The following SLC43A2 variants were observed in gnomAD, a reference collection of about 807,000 sequenced individuals.
SLC43A2 encodes the protein solute carrier family 43 member 2.
In SLC43A2, 38 loss-of-function variants were observed where a neutral mutation model predicts 63.2. The ratio of observed to expected loss-of-function variants is 0.60; its 90% CI spans 0.46 to 0.79. The LOEUF is 0.79. SLC43A2 is among the 30% of genes least tolerant of loss of function. SLC43A2 has a pLI of 0.00. For missense variants in SLC43A2, 644 were observed against 756.2 expected (o/e 0.85, Z 1.74); for synonymous variants, 322 against 331.0 (o/e 0.97, Z 0.30).
At chr17:1,614,738 C>T (rs952670815) in intron 4 of SLC43A2, among the ~76,000 whole-genome samples, 1 of 152,112 alleles carries the variant, frequency 6.6e-6, no homozygotes, top group African/African-American at 2.4e-5. Context: ...GAGGGACTGG[C>T]TTGGTTTGGT....
Position 1,605,395 on chromosome 17 carries a change from C to T in SLC43A2, c.501+7800G>A, listed in dbSNP as rs999740259. 5.8e-5 allele frequency: 13 copies of T among 224,760 alleles called. No individual in the cohort carries two copies. Among genetic ancestry groups the T allele is most frequent in the African/African-American group, 2.1e-4 (9 of 42,702 alleles). The allele number at this position is 224,760 out of a possible 1,614,324, so 13.9% of individuals were successfully genotyped here. Reference sequence around the variant, plus strand: ...GCAGGGCCAAGGCCCTGGGACAGTGCGGGCGCGGGAGCTTCTCTAAGATGC... The same window carrying T: ...GCAGGGCCAAGGCCCTGGGACAGTGTGGGCGCGGGAGCTTCTCTAAGATGC... On this transcript the variant is annotated intron_variant, in intron 5 of 13. Coordinates refer to ENST00000301335, the MANE Select transcript of SLC43A2 (RefSeq NM_152346.3). This position sits in a 1 kb window ranked among gnomAD's most constrained non-coding sequence, Gnocchi z 4.9.
At chr17:1,617,737 T>A (rs891910838) in intron 2 of SLC43A2, among the ~76,000 whole-genome samples, 7 of 152,148 alleles carry the variant, frequency 4.6e-5, no homozygotes, top group Non-Finnish European at 8.8e-5. Context: ...AGTGGTGCCA[T>A]CCCGTGGCCA....
rs2151048492 is a variant in SLC43A2, at chr17:1,593,752, G to A, written c.502-473C>T. On this transcript the variant is annotated intron_variant, in intron 5 of 13. Coordinates refer to ENST00000301335, the MANE Select transcript of SLC43A2 (RefSeq NM_152346.3). This position sits in a 1 kb window ranked among gnomAD's most constrained non-coding sequence, Gnocchi z 5.3. The stretch of plus-strand genomic sequence containing the variant: ...CAGCAAAAACTGCTTTTGGTTTGGA[G>A]AGGGTAGGTTTTTGGAAGATGTCAA... Among the ~76,000 whole-genome samples, 1 of 152,296 alleles carries A rather than the reference G, an allele frequency of 6.6e-6. No homozygotes were observed. Among genetic ancestry groups the A allele is most frequent in the South Asian group, 2.1e-4 (1 of 4,826 alleles).
intron 3 of SLC43A2, among the ~76,000 whole-genome samples, chr17:1,615,829 G>T (rs534035886): frequency 1.1e-3 from 137 of 120,234 alleles, no homozygotes; most frequent in Non-Finnish European, 2.0e-3. Context: ...GGCGACAGAG[G>T]GAGACTCCAT....
chr17:1,620,294 G>C (rs1301002295), intron 2 of SLC43A2, among the ~76,000 whole-genome samples: 2 of 152,168 alleles, frequency 1.3e-5, no homozygotes. Flanking sequence ...CTTGAACCCA[G>C]GAGGCAGAGG....
At chr17:1,579,096 C>T (rs1382949406) in intron 11 of SLC43A2, among the ~76,000 whole-genome samples, 6 of 148,996 alleles carry the variant, frequency 4.0e-5, no homozygotes, top group African/African-American at 5.0e-5. Context: ...GCTGAGATCA[C>T]GGCATTGCAC....
At position 1,583,127 on chromosome 17, in the gene SLC43A2, TTA is replaced by T; in HGVS notation, c.1350+75_1350+76del. On this transcript the variant is annotated intron_variant, in intron 11 of 13. Coordinates refer to ENST00000301335, the MANE Select transcript of SLC43A2 (RefSeq NM_152346.3). This position sits in a 1 kb window ranked among gnomAD's most constrained non-coding sequence, Gnocchi z 5.5. ...CTTTGTTGATGGCTTCCATGAAACA[TTA>T]CACACTTTTGAGTCTTTACATGTTC... 1 of 1,472,728 alleles carries T rather than the reference TTA, an allele frequency of 6.8e-7. No individual in the cohort carries two copies. 91.2% of individuals were successfully genotyped at this position (1,472,728 alleles called of 1,614,324 possible). A position where few individuals can be genotyped will look rare whatever the true frequency, so the allele number is the denominator to read the frequency against.
chr17:1,591,837 C>T, intron 6 of SLC43A2, 138 bp from the exon 7 acceptor site: 1 of 689,122 alleles, frequency 1.5e-6, no homozygotes, highest in South Asian at 1.9e-5. Flanking sequence ...ACAGCCCTGC[C>T]AGCCTGGGCG....
In SLC43A2 at chr17:1,586,954, G is replaced by A. The variant is rs796438542; in HGVS notation, c.1079-903C>T. ...CCCCCCCACCCCCCGCTTACCCGTG[G>A]CCATCACTGCATCAAGAAAGCAAAA... On this transcript the variant is annotated intron_variant, in intron 9 of 13. Coordinates refer to ENST00000301335, the MANE Select transcript of SLC43A2 (RefSeq NM_152346.3). 5 of 1,376,070 alleles carry A rather than the reference G, an allele frequency of 3.6e-6. No homozygotes were observed. In the African/African-American group the frequency reaches 7.2e-5, roughly 20 times the overall value. 85.2% of individuals were successfully genotyped at this position (1,376,070 alleles called of 1,614,324 possible).
At position 1,569,463 on chromosome 17, in the gene SLC43A2, T is replaced by C. The variant is rs1372062122; in HGVS notation, c.*6141A>G. ...TGGGGCCGCTCCTGCCCAGGTGTTC[T>C]TTCCAGCAATGGAAAGGGATTCAGC... On this transcript the variant is annotated 3_prime_UTR_variant, in exon 14 of 14. Coordinates refer to ENST00000301335, the MANE Select transcript of SLC43A2 (RefSeq NM_152346.3). The C allele has an allele frequency of 1.3e-5, 2 of 152,228 alleles. No individual in the cohort carries two copies. The highest frequency in any genetic ancestry group is 2.4e-5 in the African/African-American group (1 of 41,442). 9.4% of individuals were successfully genotyped at this position (152,228 alleles called of 1,614,324 possible). A position where few individuals can be genotyped will look rare whatever the true frequency, so the allele number is the denominator to read the frequency against.
intron 2 of SLC43A2, among the ~76,000 whole-genome samples, chr17:1,617,698 A>G (rs1043922176): frequency 6.6e-6 from 1 of 151,930 alleles, no homozygotes; most frequent in Non-Finnish European, 1.5e-5. Context: ...GCCGATATGC[A>G]CCTTTCTTAT....
chr17:1,619,507 A>G (rs1028126929), intron 2 of SLC43A2, among the ~76,000 whole-genome samples: 4 of 152,190 alleles, frequency 2.6e-5, no homozygotes, highest in African/African-American at 7.2e-5. Flanking sequence ...GGTTTTCCAA[A>G]AAGAAGCTCT....
At chr17:1,612,152 C>G (rs563367860) in intron 5 of SLC43A2, among the ~76,000 whole-genome samples, 1 of 152,008 alleles carries the variant, frequency 6.6e-6, no homozygotes, top group Non-Finnish European at 1.5e-5. Flanking sequence ...TTAGTAGAGA[C>G]GGGGTTTCAC....
intron 4 of SLC43A2, among the ~76,000 whole-genome samples, chr17:1,614,230 G>A (rs149774792): frequency 0.011 from 1,622 of 152,056 alleles, 23 homozygotes; most frequent in African/African-American, 0.036. Flanking sequence ...GCGACAGAGG[G>A]AGACTCTGTC....
intron 2 of SLC43A2, 148 bp from the exon 3 acceptor site, chr17:1,616,917 G>T: frequency 1.2e-6 from 1 of 819,834 alleles, no homozygotes; most frequent in Non-Finnish European, 1.9e-6. Flanking sequence ...CCCCGCAGCA[G>T]GCTTGGATGG....
upstream of SLC43A2, among the ~76,000 whole-genome samples, chr17:1,629,934 CG>C (rs903277425): frequency 5.3e-5 from 8 of 152,194 alleles, no homozygotes; most frequent in Non-Finnish European, 8.8e-5. Context: ...TGGCTCGCTC[CG>C]GGGGGCTGGC....
In SLC43A2 at chr17:1,606,055, C is replaced by G. The variant is rs2151065547; in HGVS notation, c.501+7140G>C. On this transcript the variant is annotated intron_variant, in intron 5 of 13. Coordinates refer to ENST00000301335, the MANE Select transcript of SLC43A2 (RefSeq NM_152346.3). This position sits in a 1 kb window ranked among gnomAD's most constrained non-coding sequence, Gnocchi z 4.7. ...TGACTGCCTGAGCTTCCCCAAGGTA[C>G]AGGACAGAAAGAGAGGAAGGTGGGG... Among the ~76,000 whole-genome samples the G allele has an allele frequency of 6.6e-6, 1 of 152,314 alleles. No homozygotes were observed. The highest frequency in any genetic ancestry group is 2.1e-4 in the South Asian group (1 of 4,828).
chr17:1,592,167 G>A (rs1328067663), intron 6 of SLC43A2, among the ~76,000 whole-genome samples: 1 of 152,226 alleles, frequency 6.6e-6, no homozygotes, highest in African/African-American at 2.4e-5. Context: ...GGTGGCTCAC[G>A]CCTGTAATCC....
chr17:1,590,625 C>A (rs891737323), intron 9 of SLC43A2, among the ~76,000 whole-genome samples, 177 bp downstream of exon 9: 1 of 152,198 alleles, frequency 6.6e-6, no homozygotes. Context: ...GATGGGGACA[C>A]GAAGAAACAG....
Sources: gnomAD v4.1 joint callset for allele counts (sites outside exome capture counted in the v4.1 genomes callset) on GRCh38, gnomAD v4.1.1 for gene constraint, Gnocchi (gnomAD v3.1) non-coding constraint, MANE v1.5 for transcripts, NCBI Gene and HGNC (gene_info 2026-07-23, HGNC 2026-07-21) for gene names.